The following PTAR1 variants were observed in gnomAD, a reference collection of about 807,000 sequenced individuals.
PTAR1 encodes protein prenyltransferase alpha subunit repeat-containing protein 1.
Under a neutral mutation model 45.5 loss-of-function variants are expected in PTAR1, and 17 were observed. The observed-to-expected ratio is 0.37, with a 90% CI of 0.26 to 0.56. PTAR1 has a LOEUF of 0.56. PTAR1 is among the 20% of genes least tolerant of loss of function. The probability of loss-of-function intolerance (pLI) is 0.77; values close to 1 mark genes in which losing one functional copy is unlikely to be tolerated. For missense variants in PTAR1, 391 were observed against 476.3 expected, an observed-to-expected ratio of 0.82 and a Z score of 1.67; for synonymous variants, 169 against 171.3, an observed-to-expected ratio of 0.99 and a Z score of 0.11.
At chr9:69,729,937 T>A (rs1825457782) in intron 5 of PTAR1, among the ~76,000 whole-genome samples, 1 of 152,212 alleles carries the variant, frequency 6.6e-6, no homozygotes, top group African/African-American at 2.4e-5. Flanking sequence ...CTCTTACTAA[T>A]ACTCGATGCC....
intron 5 of PTAR1, among the ~76,000 whole-genome samples, chr9:69,725,059 A>T (rs1825202972): frequency 6.6e-6 from 1 of 152,224 alleles, no homozygotes; most frequent in Non-Finnish European, 1.5e-5. Context: ...TACCTGAAAT[A>T]AAAATCAATC....
Position 69,739,030 on chromosome 9 carries a change from T to C in PTAR1, c.323+2762A>G, listed in dbSNP as rs1825921428. Among the ~76,000 whole-genome samples the C allele has an allele frequency of 2.0e-5, 3 of 152,114 alleles. No individual in the cohort carries two copies. The South Asian group carries it at 6.2e-4, about 32-fold the overall frequency. On this transcript the variant is annotated intron_variant, in intron 3 of 7. Transcript: ENST00000340434. ...ACCATATTGGCCAGGATGGTCTTGA[T>C]CTCCTGACCTCGTGATCCACCCACC...
At chr9:69,753,571 C>T (rs1195832616) in intron 1 of PTAR1, among the ~76,000 whole-genome samples, 2 of 152,136 alleles carry the variant, frequency 1.3e-5, no homozygotes, top group African/African-American at 4.8e-5. Flanking sequence ...CTTCAGTTTC[C>T]TCATTTGTAA....
At chr9:69,733,317 T>C (rs140556514) in intron 4 of PTAR1, among the ~76,000 whole-genome samples, 6 of 152,314 alleles carry the variant, frequency 3.9e-5, no homozygotes, top group African/African-American at 4.8e-5. Flanking sequence ...TGGAAGAAGC[T>C]GACCTGCAAT....
intron 1 of PTAR1, among the ~76,000 whole-genome samples, chr9:69,755,420 T>C (rs912640923): frequency 6.6e-6 from 1 of 152,186 alleles, no homozygotes; most frequent in African/African-American, 2.4e-5. Context: ...AGACAGCTTC[T>C]CTGTCTATAC....
At chr9:69,718,716 G>C in intron 6 of PTAR1, 32 bp from the exon 7 acceptor site, 1 of 1,465,366 alleles carries the variant, frequency 6.8e-7, no homozygotes, top group Non-Finnish European at 9.1e-7. Context: ...AGAGAATAAA[G>C]AAAATCACAT....
rs1169686121 is a variant in PTAR1 at position 69,750,969 on chromosome 9, A to G, written c.87-19T>C. The G allele has an allele frequency of 6.8e-7, 1 of 1,469,944 alleles. No individual in the cohort carries two copies. The highest frequency in any genetic ancestry group is 9.1e-7 in the Non-Finnish European group (1 of 1,097,186). 91.1% of individuals were successfully genotyped at this position (1,469,944 alleles called of 1,614,324 possible). A position where few individuals can be genotyped will look rare whatever the true frequency, so the allele number is the denominator to read the frequency against. The stretch of plus-strand genomic sequence containing the variant: ...TTCATCTCTTAATATGTAAAACATA[A>G]AAAAGAATTAAAAATAAGGATACTA... On this transcript the variant is annotated intron_variant, in intron 1 of 7. Transcript: ENST00000340434.
At chr9:69,721,346 C>A (rs577615306) in intron 6 of PTAR1, among the ~76,000 whole-genome samples, 2 of 152,226 alleles carry the variant, frequency 1.3e-5, no homozygotes, top group African/African-American at 4.8e-5. Context: ...GAATTGCTTA[C>A]AATCTCATGA....
intron 4 of PTAR1, among the ~76,000 whole-genome samples, chr9:69,733,308 G>A (rs1825632249): frequency 6.6e-6 from 1 of 152,118 alleles, no homozygotes; most frequent in African/African-American, 2.4e-5. Flanking sequence ...TATGTGGTTT[G>A]GAAGAAGCTG....
intron 5 of PTAR1, among the ~76,000 whole-genome samples, chr9:69,724,320 T>C (rs10867965): frequency 0.14 from 22,018 of 152,194 alleles, 1,716 homozygotes; most frequent in East Asian, 0.27. Context: ...GATACCAATA[T>C]CTTGCAAACT....
chr9:69,736,121 T>C (rs1214568888), intron 3 of PTAR1, among the ~76,000 whole-genome samples: 1 of 152,126 alleles, frequency 6.6e-6, no homozygotes, highest in Non-Finnish European at 1.5e-5. Context: ...TTGAAAGCAA[T>C]GTTTCTCAAA....
intron 6 of PTAR1, among the ~76,000 whole-genome samples, chr9:69,722,386 C>G (rs1419258889): frequency 6.6e-6 from 1 of 152,096 alleles, no homozygotes; most frequent in Non-Finnish European, 1.5e-5. Context: ...GACTTCAGTC[C>G]AACATACTGT....
At chr9:69,747,528 G>A (rs1826326655) in intron 2 of PTAR1, among the ~76,000 whole-genome samples, 1 of 152,118 alleles carries the variant, frequency 6.6e-6, no homozygotes, top group Non-Finnish European at 1.5e-5. Context: ...TGTTTCTAGG[G>A]TTCAAATGAA....
intron 6 of PTAR1, among the ~76,000 whole-genome samples, chr9:69,722,639 G>GT (rs1033225304): frequency 4.0e-5 from 6 of 150,488 alleles, no homozygotes; most frequent in Non-Finnish European, 7.4e-5. Context: ...CTTTTTCTAG[G>GT]GGGGAAAAAA....
intron 3 of PTAR1, among the ~76,000 whole-genome samples, chr9:69,735,316 A>G (rs1477075720): frequency 6.6e-6 from 1 of 152,194 alleles, no homozygotes; most frequent in East Asian, 1.9e-4. Context: ...ATGTGTTGCC[A>G]TATAACCTAC....
chr9:69,738,640 T>C (rs1291429533), intron 3 of PTAR1, among the ~76,000 whole-genome samples: 1 of 152,162 alleles, frequency 6.6e-6, no homozygotes, highest in Non-Finnish European at 1.5e-5. Flanking sequence ...GAATACTTCC[T>C]TACTTTCTGG....
At chr9:69,739,407 G>A in intron 3 of PTAR1, among the ~76,000 whole-genome samples, 2 of 147,120 alleles carry the variant, frequency 1.4e-5, no homozygotes, top group East Asian at 2.0e-4. Context: ...AAAAAAAAAA[G>A]CAGTTTTCTT....
At chr9:69,719,221 T>A (rs560357497) in intron 6 of PTAR1, among the ~76,000 whole-genome samples, 2 of 152,240 alleles carry the variant, frequency 1.3e-5, no homozygotes, top group South Asian at 4.1e-4. Context: ...CCTAAATCCA[T>A]CACCAACTAC....
chr9:69,718,295 G>T lies in PTAR1; in HGVS notation c.*47C>A. On this transcript the variant is annotated 3_prime_UTR_variant, in exon 8 of 8. Transcript: ENST00000340434. ...GCAACTATGTAAATAATAAAAGAAAGCAATATTGCACTAAAAGGGGAACCT... is the reference window on the plus strand; with the variant it reads ...GCAACTATGTAAATAATAAAAGAAATCAATATTGCACTAAAAGGGGAACCT... 1 of 1,306,536 alleles carries T rather than the reference G, an allele frequency of 7.7e-7. No individual in the cohort carries two copies. Among genetic ancestry groups the T allele is most frequent in the Non-Finnish European group, 1.1e-6 (1 of 945,662 alleles). 80.9% of individuals were successfully genotyped at this position (1,306,536 alleles called of 1,614,324 possible). A position where few individuals can be genotyped will look rare whatever the true frequency, so the allele number is the denominator to read the frequency against.
Sources: allele counts gnomAD v4.1 joint callset (sites outside exome capture counted in the v4.1 genomes callset), GRCh38; gene constraint gnomAD v4.1.1; transcripts MANE v1.5; gene names NCBI Gene and HGNC (gene_info 2026-07-23, HGNC 2026-07-21).